RMP64: variants seen among roughly 807,000 people sequenced by gnomAD.
RMP64 encodes ribonuclease MRP subunit p64.
chr3:113,010,550 T>A, the RMP64 span: 1 of 1,040,012 alleles, frequency 9.6e-7, no homozygotes, highest in African/African-American at 1.6e-5. Context: ...GAGCTGGGGA[T>A]AAAATGAAAA....
At chr3:113,004,901 A>AAAT in the RMP64 span, 1 of 147,568 alleles carries the variant, frequency 6.8e-6, no homozygotes, top group Non-Finnish European at 1.5e-5. Context: ...GTACCCAAAT[A>AAAT]AATAAAATTA....
chr3:113,004,895 C>G, the RMP64 span: 2 of 152,048 alleles, frequency 1.3e-5, no homozygotes, highest in East Asian at 1.9e-4. Flanking sequence ...TCACTGGTAC[C>G]CAAATAAATA....
At chr3:113,008,665 TAAAA>T in the RMP64 span, 7 of 297,404 alleles carry the variant, frequency 2.4e-5, no homozygotes, top group Non-Finnish European at 3.1e-5. Flanking sequence ...ACCTAAAAAT[TAAAA>T]AAAAAAAATC....
At chr3:113,013,189 T>C in the RMP64 span, 1 of 1,468,080 alleles carries the variant, frequency 6.8e-7, no homozygotes, top group African/African-American at 1.4e-5. Flanking sequence ...TATGGAGTGT[T>C]AGCTTTCAAA....
At chr3:113,019,371 C>A in the RMP64 span, among the ~76,000 whole-genome samples, 1 of 152,244 alleles carries the variant, frequency 6.6e-6, no homozygotes, top group African/African-American at 2.4e-5. Context: ...AGAGGCCCTA[C>A]AAGCTACACC....
At chr3:113,006,007 T>G in the RMP64 span, 26 of 1,598,044 alleles carry the variant, frequency 1.6e-5, 1 homozygote, top group African/African-American at 1.1e-4. Flanking sequence ...TTGGCAAACT[T>G]TAAAAGACAG....
At chr3:113,007,507 G>A in the RMP64 span, among the ~76,000 whole-genome samples, 1 of 152,186 alleles carries the variant, frequency 6.6e-6, no homozygotes, top group African/African-American at 2.4e-5. Context: ...CTCTGTGAAG[G>A]TGGAATAGGC....
At chr3:113,007,264 A>T in the RMP64 span, among the ~76,000 whole-genome samples, 1 of 152,188 alleles carries the variant, frequency 6.6e-6, no homozygotes, top group Non-Finnish European at 1.5e-5. Flanking sequence ...CTTTCCCCAT[A>T]GCTTTTAATC....
chr3:113,018,413 G>T, the RMP64 span, among the ~76,000 whole-genome samples: 1 of 152,218 alleles, frequency 6.6e-6, no homozygotes, highest in Non-Finnish European at 1.5e-5. Flanking sequence ...AAAGAGGGAA[G>T]ATTAATCTGT....
the RMP64 span, chr3:113,010,697 T>C: frequency 8.6e-4 from 1,392 of 1,613,250 alleles, 10 homozygotes; most frequent in African/African-American, 0.016. Context: ...CAAATTCTGA[T>C]GACTCTTCTG....
At chr3:113,008,236 G>A in the RMP64 span, 1 of 1,614,066 alleles carries the variant, frequency 6.2e-7, no homozygotes, top group East Asian at 2.2e-5. Context: ...CCAGAAAAAT[G>A]GCCTGAGCCT....
chr3:113,008,488 T>C, the RMP64 span: 2 of 1,428,852 alleles, frequency 1.4e-6, no homozygotes, highest in Non-Finnish European at 9.7e-7. Context: ...TGTAATTATA[T>C]GACAACAAGG....
chr3:113,007,650 A>T, the RMP64 span, among the ~76,000 whole-genome samples: 1 of 151,988 alleles, frequency 6.6e-6, no homozygotes, highest in African/African-American at 2.4e-5. Context: ...GTGAATATAA[A>T]AATCACAGAA....
chr3:113,007,647 T>TA, the RMP64 span, among the ~76,000 whole-genome samples: 15 of 151,994 alleles, frequency 9.9e-5, no homozygotes, highest in African/African-American at 3.6e-4. Context: ...GTTGTGAATA[T>TA]AAAAATCACA....
chr3:113,017,300 C>A, the RMP64 span: 2 of 538,540 alleles, frequency 3.7e-6, no homozygotes, highest in Non-Finnish European at 6.3e-6. Flanking sequence ...AAAGAAAGTG[C>A]ACATGTAACT....
the RMP64 span, chr3:113,019,474 A>G: frequency 3.7e-6 from 5 of 1,357,442 alleles, no homozygotes; most frequent in African/African-American, 4.3e-5. Flanking sequence ...CCCCGCCCAC[A>G]TGCGCCGGCT....
the RMP64 span, chr3:113,005,373 T>C: frequency 1.7e-6 from 1 of 600,190 alleles, no homozygotes; most frequent in Non-Finnish European, 3.0e-6. Flanking sequence ...AATGACACAA[T>C]GCTACTTTAA....
chr3:113,005,425 T>TA, the RMP64 span: 4 of 690,094 alleles, frequency 5.8e-6, no homozygotes, highest in African/African-American at 5.3e-5. Flanking sequence ...AATGCTGCAC[T>TA]AAAGCAGCTC....
the RMP64 span, chr3:113,017,572 C>T: frequency 1.2e-6 from 2 of 1,614,086 alleles, no homozygotes; most frequent in Non-Finnish European, 1.7e-6. Flanking sequence ...GACGAGATGG[C>T]ATTCTTTAAT....
Sources: allele counts gnomAD v4.1 joint callset (sites outside exome capture counted in the v4.1 genomes callset), GRCh38; gene constraint gnomAD v4.1.1; transcripts MANE v1.5; gene names NCBI Gene and HGNC (gene_info 2026-07-23, HGNC 2026-07-21).